The following RUNDC3B variants were observed in gnomAD, a reference collection of about 807,000 sequenced individuals.
RUNDC3B encodes RUN domain containing 3B.
A neutral mutation model predicts 58.4 loss-of-function variants in RUNDC3B; 33 were observed. That is an observed-to-expected ratio of 0.56 (90% CI 0.43 to 0.75). The LOEUF is 0.75. RUNDC3B is among the 30% of genes least tolerant of loss of function. The pLI is 0.00. For synonymous variants in RUNDC3B, 193 were observed against 195.2 expected (o/e 0.99, Z 0.10); for missense variants, 501 against 535.7 (o/e 0.94, Z 0.64).
chr7:87,728,635 G>A (rs1831389182), intron 4 of RUNDC3B, among the ~76,000 whole-genome samples: 1 of 152,030 alleles, frequency 6.6e-6, no homozygotes, highest in Admixed American at 6.6e-5. Flanking sequence ...TCTCTCTGGG[G>A]TTCTTGATTA....
chr7:87,700,410 G>T lies in RUNDC3B; in HGVS notation c.239-11G>T, dbSNP rs1238435624. The stretch of plus-strand genomic sequence containing the variant: ...TTTTTAAAATTTTATATCGCAATTT[G>T]TCTCCTGAAGGTCAAGTAACCTGGT... On this transcript the variant is annotated splice_polypyrimidine_tract_variant and intron_variant, in intron 2 of 10. Coordinates refer to ENST00000394654, the MANE Select transcript of RUNDC3B (RefSeq NM_001134405.2). The T allele has an allele frequency of 5.1e-6, 8 of 1,572,008 alleles. No homozygotes were observed. The highest frequency in any genetic ancestry group is 6.9e-6 in the Non-Finnish European group (8 of 1,164,854).
At chr7:87,824,651 G>A (rs937217364) in intron 10 of RUNDC3B, among the ~76,000 whole-genome samples, 3 of 152,130 alleles carry the variant, frequency 2.0e-5, no homozygotes, top group Non-Finnish European at 4.4e-5. Context: ...AAGAAGACAG[G>A]AAAATGTGGG....
At position 87,679,945 on chromosome 7, in the gene RUNDC3B, T is replaced by G. The variant is rs139865782; in HGVS notation, c.239-20476T>G. On this transcript the variant is annotated intron_variant, in intron 2 of 10. Transcript: ENST00000394654. The stretch of plus-strand genomic sequence containing the variant: ...ATACACTTTTTTAAACAAATTATAC[T>G]TTACATGTGCCATGGTGGTTTGCTG... Among the ~76,000 whole-genome samples, 85 of 150,570 alleles carry G rather than the reference T, an allele frequency of 5.6e-4. 1 individual carries two copies. Among genetic ancestry groups the G allele is most frequent in the Non-Finnish European group, 1.5e-5 (1 of 67,824 alleles).
intron 3 of RUNDC3B, among the ~76,000 whole-genome samples, chr7:87,705,705 C>A (rs1829522437): frequency 1.3e-5 from 2 of 152,168 alleles, no homozygotes; most frequent in Non-Finnish European, 2.9e-5. Context: ...GACTTTATCT[C>A]AGCAGGCACT....
intron 8 of RUNDC3B, among the ~76,000 whole-genome samples, chr7:87,781,155 G>T (rs1834899096): frequency 6.6e-6 from 1 of 151,966 alleles, no homozygotes; most frequent in Non-Finnish European, 1.5e-5. Flanking sequence ...TGTCATTTGT[G>T]ATTTCTTTCA....
chr7:87,776,563 A>C (rs866241042), intron 7 of RUNDC3B, among the ~76,000 whole-genome samples: 1 of 152,084 alleles, frequency 6.6e-6, no homozygotes, highest in African/African-American at 2.4e-5. Flanking sequence ...GAAGAGGAGC[A>C]ATCAAGGAAG....
chr7:87,804,569 A>G (rs78637390), intron 8 of RUNDC3B, among the ~76,000 whole-genome samples: 2,681 of 152,290 alleles, frequency 0.018, 62 homozygotes, highest in African/African-American at 0.061. Context: ...TCTGAAAATT[A>G]GCTGTGATAA....
intron 4 of RUNDC3B, among the ~76,000 whole-genome samples, chr7:87,727,855 C>A (rs1347315435): frequency 6.6e-6 from 1 of 151,980 alleles, no homozygotes; most frequent in East Asian, 1.9e-4. Flanking sequence ...AACAAAGAGA[C>A]AAGTACCATA....
At chr7:87,741,437 A>G in intron 5 of RUNDC3B, 62 bp from the exon 6 acceptor site, 1 of 957,708 alleles carries the variant, frequency 1.0e-6, no homozygotes, top group Non-Finnish European at 1.5e-6. Context: ...TTTTTCATGA[A>G]ACTTAACTTT....
chr7:87,648,848 C>A (rs1322604039), intron 1 of RUNDC3B, among the ~76,000 whole-genome samples: 1 of 151,990 alleles, frequency 6.6e-6, no homozygotes, highest in Non-Finnish European at 1.5e-5. Flanking sequence ...TCCTGTACTG[C>A]TGTGCTAAGT....
intron 8 of RUNDC3B, among the ~76,000 whole-genome samples, chr7:87,805,475 A>G (rs1165782046): frequency 6.6e-6 from 1 of 152,212 alleles, no homozygotes; most frequent in Non-Finnish European, 1.5e-5. Context: ...CCTGTTTCAG[A>G]GGACCAGGCA....
intron 3 of RUNDC3B, among the ~76,000 whole-genome samples, chr7:87,709,845 A>G (rs1223269166): frequency 6.6e-6 from 1 of 152,210 alleles, no homozygotes; most frequent in Admixed American, 6.5e-5. Context: ...TGAAGTTCTT[A>G]CTACAAATAT....
intron 10 of RUNDC3B, among the ~76,000 whole-genome samples, chr7:87,820,423 G>A (rs1837352544): frequency 6.6e-6 from 1 of 152,110 alleles, no homozygotes; most frequent in Non-Finnish European, 1.5e-5. Flanking sequence ...AAGAGTCCAG[G>A]ACCAGATGGA....
chr7:87,758,718 C>T (rs1241442328), intron 6 of RUNDC3B, among the ~76,000 whole-genome samples: 5 of 152,136 alleles, frequency 3.3e-5, no homozygotes, highest in Non-Finnish European at 5.9e-5. Flanking sequence ...TTAACAGGTA[C>T]GTGAAAAAGT....
intron 4 of RUNDC3B, among the ~76,000 whole-genome samples, chr7:87,737,855 T>C (rs1832075911): frequency 6.6e-6 from 1 of 152,094 alleles, no homozygotes; most frequent in African/African-American, 2.4e-5. Context: ...ACTTATTTAC[T>C]AATGAGTAAA....
At chr7:87,669,502 T>C (rs1825618435) in intron 2 of RUNDC3B, among the ~76,000 whole-genome samples, 1 of 152,222 alleles carries the variant, frequency 6.6e-6, no homozygotes, top group Admixed American at 6.5e-5. Flanking sequence ...TGTGTGGATT[T>C]GATCCTGTCT....
chr7:87,805,300 A>G (rs1384352722), intron 8 of RUNDC3B, among the ~76,000 whole-genome samples: 3 of 152,200 alleles, frequency 2.0e-5, no homozygotes, highest in Non-Finnish European at 4.4e-5. Context: ...TACTTGAGTG[A>G]TGAAAGAAAA....
intron 8 of RUNDC3B, among the ~76,000 whole-genome samples, chr7:87,795,723 CAAAA>C (rs551631238): frequency 1.8e-5 from 2 of 113,370 alleles, no homozygotes; most frequent in African/African-American, 6.4e-5. Context: ...ACTAAAAATA[CAAAA>C]AAAAAAAAAA....
chr7:87,781,787 T>G (rs2130889521), intron 8 of RUNDC3B, among the ~76,000 whole-genome samples: 1 of 152,274 alleles, frequency 6.6e-6, no homozygotes, highest in South Asian at 2.1e-4. Flanking sequence ...AGATCACATT[T>G]CTTGATTTGC....
Sources: allele counts gnomAD v4.1 joint callset (sites outside exome capture counted in the v4.1 genomes callset), GRCh38; gene constraint gnomAD v4.1.1; transcripts MANE v1.5; gene names NCBI Gene and HGNC (gene_info 2026-07-23, HGNC 2026-07-21).